The following WWOX variants were observed in gnomAD, a reference collection of about 807,000 sequenced individuals.
WWOX encodes the protein WW domain-containing oxidoreductase.
Under a neutral mutation model 46.2 loss-of-function variants are expected in WWOX, and 69 were observed. That is an observed-to-expected ratio of 1.49 (90% CI 1.23 to 1.82). The LOEUF is 1.82. Among genes scored for constraint, WWOX ranks in the 40% most tolerant of loss-of-function variants. The pLI is 0.00. For synonymous variants in WWOX, 359 were observed against 202.6 expected (o/e 1.77, Z -6.56); for missense variants, 919 against 542.6 (o/e 1.69, Z -6.89).
intron 8 of WWOX, among the ~76,000 whole-genome samples, chr16:78,823,626 C>G (rs920415366): frequency 6.6e-6 from 1 of 152,112 alleles, no homozygotes; most frequent in African/African-American, 2.4e-5. Context: ...CAGACCCAGT[C>G]ACTGGTGTCA....
intron 8 of WWOX, among the ~76,000 whole-genome samples, chr16:78,702,007 T>TTATATATATGTATATATATATATATATA (rs1555519490): frequency 1.7e-5 from 1 of 57,626 alleles, no homozygotes; most frequent in African/African-American, 6.5e-5. Context: ...CTACATAAAA[T>TTATATATATGTATATATATATATATATA]TATATATATA....
intron 8 of WWOX, among the ~76,000 whole-genome samples, chr16:78,862,072 A>G (rs2043897044): frequency 6.6e-6 from 1 of 152,148 alleles, no homozygotes; most frequent in South Asian, 2.1e-4. Context: ...ATATATGCAT[A>G]TCTATACACA....
At chr16:78,894,849 A>G (rs1378799266) in intron 8 of WWOX, among the ~76,000 whole-genome samples, 2 of 152,188 alleles carry the variant, frequency 1.3e-5, no homozygotes, top group African/African-American at 4.8e-5. Context: ...ATTATGAGAA[A>G]AACAGTGACT....
At chr16:79,025,535 C>T (rs1230924976) in intron 8 of WWOX, among the ~76,000 whole-genome samples, 1 of 152,028 alleles carries the variant, frequency 6.6e-6, no homozygotes, top group African/African-American at 2.4e-5. Flanking sequence ...CCAGGGAGCA[C>T]TGAGGGCTGC....
At chr16:78,925,478 G>C (rs117602521) in intron 8 of WWOX, among the ~76,000 whole-genome samples, 1 of 152,184 alleles carries the variant, frequency 6.6e-6, no homozygotes, top group Non-Finnish European at 1.5e-5. Context: ...TTTCAAACAT[G>C]TCCTGCTTTA....
At chr16:78,449,059 A>G (rs896353990) in intron 8 of WWOX, among the ~76,000 whole-genome samples, 2 of 152,182 alleles carry the variant, frequency 1.3e-5, no homozygotes, top group South Asian at 2.1e-4. Flanking sequence ...AGTAGGCATT[A>G]TACCAGGTAA....
At chr16:78,481,738 TGTGTGTGTG>T (rs2084494103) in intron 8 of WWOX, among the ~76,000 whole-genome samples, 1 of 145,032 alleles carries the variant, frequency 6.9e-6, no homozygotes, top group African/African-American at 2.8e-5. Context: ...TGTGTGTGTG[TGTGTGTGTG>T]TGTGTGTGTG....
chr16:78,793,456 C>T (rs184951666), intron 8 of WWOX, among the ~76,000 whole-genome samples: 7 of 152,272 alleles, frequency 4.6e-5, no homozygotes, highest in Admixed American at 2.0e-4. Context: ...TGACTTTCCT[C>T]ATTTTTTATC....
intron 1 of WWOX, among the ~76,000 whole-genome samples, chr16:78,105,894 C>G (rs894213891): frequency 1.3e-5 from 2 of 152,200 alleles, no homozygotes; most frequent in African/African-American, 4.8e-5. Context: ...CTCCACCTCC[C>G]AGGTTCAGGA....
At chr16:78,880,208 C>G (rs1174494831) in intron 8 of WWOX, among the ~76,000 whole-genome samples, 1 of 152,170 alleles carries the variant, frequency 6.6e-6, no homozygotes, top group African/African-American at 2.4e-5. Context: ...GATATCTTTG[C>G]TGTATTTGCA....
At chr16:78,426,327 G>A (rs1205951435) in intron 7 of WWOX, among the ~76,000 whole-genome samples, 1 of 152,166 alleles carries the variant, frequency 6.6e-6, no homozygotes, top group African/African-American at 2.4e-5. Flanking sequence ...AGATGTGGAG[G>A]GCACCACGGG....
At chr16:78,586,370 T>C (rs1363016383) in intron 8 of WWOX, among the ~76,000 whole-genome samples, 4 of 152,114 alleles carry the variant, frequency 2.6e-5, no homozygotes, top group Admixed American at 6.5e-5. Flanking sequence ...GACAAACCTC[T>C]CCATGTCTCA....
rs367652117 is a variant in WWOX, at chr16:79,143,097, G to A, written c.1057-68511G>A. 8.1e-4 allele frequency among the ~76,000 whole-genome samples: 123 copies of A among 152,128 alleles called. No individual in the cohort carries two copies. The Middle Eastern group carries it at 0.01, about 13-fold the overall frequency. ...AGAAGTTTAAGGTTCAGAAGTATTTGGCTTTGAAAAAAAAGTTTAAGGGAC... is the reference window on the plus strand; with the variant it reads ...AGAAGTTTAAGGTTCAGAAGTATTTAGCTTTGAAAAAAAAGTTTAAGGGAC... On this transcript the variant is annotated intron_variant, in intron 8 of 8. Transcript: ENST00000566780.
At chr16:79,204,461 A>G (rs933376853) in intron 8 of WWOX, 2 of 152,164 alleles carry the variant, frequency 1.3e-5, no homozygotes, top group African/African-American at 2.4e-5. Flanking sequence ...GTCTCACAAT[A>G]ATAGCAGGTC....
chr16:78,498,214 A>AAAAAAAG lies in WWOX; in HGVS notation c.1056+65466_1056+65467insAAGAAAA, dbSNP rs59419812. Among the ~76,000 whole-genome samples the AAAAAAAG allele has an allele frequency of 5.5e-4, 71 of 128,182 alleles. 15 individuals carry two copies. The highest frequency in any genetic ancestry group is 7.5e-4 in the African/African-American group (27 of 36,092). 84.1% of individuals were successfully genotyped at this position (128,182 alleles called of 152,430 possible). Reference sequence around the variant, plus strand: ...AGCAAGACTCCATCTCAAAAAAAAAAAAAAGAAAAAAAAGCATCAGGGTTG... The same window carrying AAAAAAAG: ...AGCAAGACTCCATCTCAAAAAAAAAAAAAAAAGAAAAGAAAAAAAAGCATCAGGGTTG... On this transcript the variant is annotated intron_variant, in intron 8 of 8. Transcript: ENST00000566780.
intron 5 of WWOX, among the ~76,000 whole-genome samples, chr16:78,183,986 G>A (rs761450505): frequency 6.6e-6 from 1 of 152,126 alleles, no homozygotes; most frequent in East Asian, 1.9e-4. Flanking sequence ...CTTTGGGCAG[G>A]CTTCAGCAAC....
intron 8 of WWOX, among the ~76,000 whole-genome samples, chr16:78,637,746 G>A (rs2046609250): frequency 6.6e-6 from 1 of 152,176 alleles, no homozygotes; most frequent in African/African-American, 2.4e-5. Flanking sequence ...AACACCTTTG[G>A]TGGCAGCTAA....
intron 8 of WWOX, among the ~76,000 whole-genome samples, chr16:78,494,366 A>G (rs1183793516): frequency 3.3e-5 from 5 of 152,236 alleles, no homozygotes; most frequent in Non-Finnish European, 7.3e-5. Flanking sequence ...CACAGAGCCA[A>G]ACCACACTGG....
intron 4 of WWOX, among the ~76,000 whole-genome samples, chr16:78,136,725 A>T (rs2033803021): frequency 6.6e-6 from 1 of 152,212 alleles, no homozygotes; most frequent in Non-Finnish European, 1.5e-5. Flanking sequence ...CCCTTTCCCA[A>T]GTTACTACCT....
Sources: allele counts gnomAD v4.1 joint callset (sites outside exome capture counted in the v4.1 genomes callset), GRCh38; gene constraint gnomAD v4.1.1; transcripts MANE v1.5; gene names NCBI Gene and HGNC (gene_info 2026-07-23, HGNC 2026-07-21).